The following TNRC6B variants were observed in gnomAD, a reference collection of about 807,000 sequenced individuals.
TNRC6B encodes trinucleotide repeat-containing gene 6B protein.
Under a neutral mutation model 203.6 loss-of-function variants are expected in TNRC6B, and 52 were observed. The observed-to-expected ratio is 0.26, with a 90% CI of 0.20 to 0.32. The LOEUF (loss-of-function observed/expected upper bound fraction) is 0.32. TNRC6B is among the 10% of genes least tolerant of loss of function. The probability of loss-of-function intolerance (pLI) is 1.00; values close to 1 mark genes in which losing one functional copy is unlikely to be tolerated. For synonymous variants in TNRC6B, 838 were observed against 845.7 expected (o/e 0.99, Z 0.16); for missense variants, 1,923 against 2,286.2 (o/e 0.84, Z 3.24).
intron 3 of TNRC6B, among the ~76,000 whole-genome samples, chr22:40,261,155 T>G (rs910858194): frequency 2.0e-5 from 3 of 151,896 alleles, no homozygotes; most frequent in Non-Finnish European, 4.4e-5. Flanking sequence ...CATAGTGGTG[T>G]ATGCATTGTA....
chr22:40,164,364 G>A (rs2146360938), intron 4 of TNRC6B, among the ~76,000 whole-genome samples: 1 of 144,596 alleles, frequency 6.9e-6, no homozygotes, highest in South Asian at 2.3e-4. Context: ...GTCCAGCCTG[G>A]GCGACAGAGT....
chr22:40,218,623 G>A (rs138026), intron 1 of TNRC6B, among the ~76,000 whole-genome samples: 2 of 151,942 alleles, frequency 1.3e-5, no homozygotes, highest in African/African-American at 4.8e-5. Context: ...CCACTGCACC[G>A]GGCTGAGGCA....
intron 3 of TNRC6B, among the ~76,000 whole-genome samples, chr22:40,131,990 A>G (rs2146329698): frequency 6.6e-6 from 1 of 152,324 alleles, no homozygotes; most frequent in Admixed American, 6.5e-5. Flanking sequence ...AAATTGAATC[A>G]AATTAACAGA....
At chr22:40,182,207 T>C (rs1304680588) in intron 1 of TNRC6B, among the ~76,000 whole-genome samples, 1 of 151,118 alleles carries the variant, frequency 6.6e-6, no homozygotes. Flanking sequence ...ATTGTGCCAC[T>C]GCACTCCATC....
chr22:40,192,132 TAAGATCCAG>T (rs1304009273), intron 1 of TNRC6B, among the ~76,000 whole-genome samples: 4 of 152,342 alleles, frequency 2.6e-5, no homozygotes, highest in East Asian at 1.9e-4. Context: ...AGTGCTGAGA[TAAGATCCAG>T]CTGTGATTAT....
rs547338044 is a variant in TNRC6B at position 40,053,654 on chromosome 22, C to G, written c.-121+8656C>G. ...ATTTCTTAAGTGAGACTATTGTAGT[C>G]ATCTTTGCATCCCTAGGCACATACT... On this transcript the variant is annotated intron_variant, in intron 1 of 23. Transcript: ENST00000301923. Among the ~76,000 whole-genome samples the G allele has an allele frequency of 1.1e-4, 17 of 152,150 alleles. No homozygotes were observed. The South Asian group carries it at 1.2e-3, about 11-fold the overall frequency.
At chr22:40,276,331 AG>A (rs2070644389) in intron 7 of TNRC6B, among the ~76,000 whole-genome samples, 1 of 150,776 alleles carries the variant, frequency 6.6e-6, no homozygotes, top group Non-Finnish European at 1.5e-5. Context: ...TGGGTGACAG[AG>A]AAAAAAAAAA....
At chr22:40,258,979 T>G (rs1277437821) in intron 3 of TNRC6B, among the ~76,000 whole-genome samples, 3 of 152,164 alleles carry the variant, frequency 2.0e-5, no homozygotes, top group Admixed American at 2.0e-4. Flanking sequence ...TTGACCTTTA[T>G]AGCAGGGCAG....
chr22:40,073,461 T>C (rs980149322), intron 1 of TNRC6B, among the ~76,000 whole-genome samples: 2 of 152,046 alleles, frequency 1.3e-5, no homozygotes, highest in African/African-American at 4.8e-5. Flanking sequence ...CTTTGGCTGG[T>C]AGAGTACAAG....
chr22:40,325,013 AG>A lies in TNRC6B; in HGVS notation c.*1777del. 1 of 152,716 alleles carries A rather than the reference AG, an allele frequency of 6.5e-6. No individual in the cohort carries two copies. 9.5% of individuals were successfully genotyped at this position (152,716 alleles called of 1,614,324 possible). On this transcript the variant is annotated 3_prime_UTR_variant, in exon 23 of 23. Transcript: ENST00000454349. ...GTGAAGAGAATTATAGCAGACCTGA[AG>A]GGGGCGAAAAACCAGATAGGGTGGG...
chr22:40,230,843 A>G (rs1052246107), intron 1 of TNRC6B, among the ~76,000 whole-genome samples: 3 of 152,078 alleles, frequency 2.0e-5, no homozygotes, highest in African/African-American at 7.2e-5. Flanking sequence ...ATTTTCTTGT[A>G]TGTTTTCTTC....
At chr22:40,300,845 T>G in intron 13 of TNRC6B, 65 bp from the exon 14 acceptor site, 1 of 1,491,372 alleles carries the variant, frequency 6.7e-7, no homozygotes. Flanking sequence ...ACAGACCCTT[T>G]AGGTGTCCTC....
intron 1 of TNRC6B, among the ~76,000 whole-genome samples, chr22:40,047,222 A>C (rs557849335): frequency 3.3e-5 from 5 of 152,166 alleles, no homozygotes; most frequent in Non-Finnish European, 5.9e-5. Context: ...TCCTTGAATT[A>C]TCAGAGGGAG....
At chr22:40,092,401 CAA>C (rs552880025) in intron 1 of TNRC6B, among the ~76,000 whole-genome samples, 1 of 112,760 alleles carries the variant, frequency 8.9e-6, no homozygotes. Flanking sequence ...GACTCTGTCT[CAA>C]AAAAAAAAAA....
At chr22:40,070,645 T>C (rs1006706273) in intron 1 of TNRC6B, among the ~76,000 whole-genome samples, 1 of 152,208 alleles carries the variant, frequency 6.6e-6, no homozygotes, top group Non-Finnish European at 1.5e-5. Flanking sequence ...TTCAAATTAA[T>C]TTACAGGTAT....
chr22:40,170,070 G>A (rs1013143801), intron 4 of TNRC6B, among the ~76,000 whole-genome samples: 22 of 150,948 alleles, frequency 1.5e-4, no homozygotes, highest in African/African-American at 4.6e-4. Context: ...GCTTGAGCCC[G>A]GGAGTTGGAG....
rs2067871281 is a variant in TNRC6B at position 40,063,495 on chromosome 22, G to A, written c.-121+18497G>A. Among the ~76,000 whole-genome samples the A allele has an allele frequency of 2.0e-5, 3 of 152,320 alleles. No homozygotes were observed. The South Asian group carries it at 6.2e-4, about 32-fold the overall frequency. On this transcript the variant is annotated intron_variant, in intron 1 of 23. Coordinates refer to the TNRC6B transcript ENST00000301923. Reference sequence around the variant, plus strand: ...GTGATAGAAATGTGCTGAACTTACAGATCAATTTGGCAAATACTGCCATTT... The same window carrying A: ...GTGATAGAAATGTGCTGAACTTACAAATCAATTTGGCAAATACTGCCATTT...
intron 1 of TNRC6B, among the ~76,000 whole-genome samples, chr22:40,182,122 G>C (rs910787632): frequency 6.6e-6 from 1 of 151,998 alleles, no homozygotes; most frequent in Non-Finnish European, 1.5e-5. Context: ...GCGCCTGCCT[G>C]TAATCCCAGC....
intron 18 of TNRC6B, 109 bp from the exon 19 acceptor site, chr22:40,312,793 C>A: frequency 6.8e-7 from 1 of 1,463,958 alleles, no homozygotes; most frequent in Non-Finnish European, 9.4e-7. Context: ...ATTTGTTAGA[C>A]ATATTTTGTC....
Sources: gnomAD v4.1 joint callset for allele counts (sites outside exome capture counted in the v4.1 genomes callset) on GRCh38, gnomAD v4.1.1 for gene constraint, MANE v1.5 for transcripts, NCBI Gene and HGNC (gene_info 2026-07-23, HGNC 2026-07-21) for gene names.